ENPEP: variants seen among roughly 807,000 people sequenced by gnomAD.
The protein encoded by ENPEP is glutamyl aminopeptidase, also known as AP-A.
Under a neutral mutation model 114.5 loss-of-function variants are expected in ENPEP, and 103 were observed. The observed-to-expected ratio is 0.90, with a 90% CI of 0.77 to 1.06. The LOEUF is 1.06. Ranked by LOEUF, ENPEP falls within the 50% of genes least tolerant of loss-of-function variation. ENPEP has a pLI of 0.00. For missense variants in ENPEP, 1,196 were observed against 1,161.3 expected (o/e 1.03, Z -0.43); for synonymous variants, 420 against 422.0 (o/e 1.00, Z 0.06).
chr4:110,552,369 G>T (rs1377749356), intron 17 of ENPEP, among the ~76,000 whole-genome samples: 1 of 152,116 alleles, frequency 6.6e-6, no homozygotes, highest in Non-Finnish European at 1.5e-5. Context: ...CTTCAAGTAT[G>T]CTAAGGGTCT....
chr4:110,529,919 C>CA (rs35782762), intron 10 of ENPEP, among the ~76,000 whole-genome samples: 91,898 of 151,678 alleles, frequency 0.61, 29,334 homozygotes, highest in East Asian at 0.84. Flanking sequence ...ACTAAAAATA[C>CA]AAAAAAATTG....
At chr4:110,491,688 A>G (rs1214299562) in intron 3 of ENPEP, among the ~76,000 whole-genome samples, 2 of 151,814 alleles carry the variant, frequency 1.3e-5, no homozygotes, top group Non-Finnish European at 2.9e-5. Context: ...AAAAATATCA[A>G]GACGACTAGT....
intron 3 of ENPEP, 145 bp downstream of exon 3, chr4:110,491,309 A>G: frequency 5.8e-6 from 4 of 684,486 alleles, no homozygotes; most frequent in South Asian, 5.0e-5. Flanking sequence ...TTGATAATAC[A>G]TAGAAAAATG....
rs151006682 is a variant in ENPEP, at chr4:110,513,415, C to A, written c.1309C>A (p.Arg437Ser). Residue 437 changes from arginine (R) to serine (S), a missense_variant and splice_region_variant, in exon 7 of 20, where the codon CGT (arginine) becomes AGT (serine). Coordinates refer to ENST00000265162, the MANE Select transcript of ENPEP (RefSeq NM_001977.4). ...CCTTTGGCTCATTCTTTCATTTCAG[C>A]GTGACCAAATGTTACTTGAAGATGT... ...VNHAETDWQMRDQMLLEDVLP... is the reference protein window; with the variant it reads ...VNHAETDWQMSDQMLLEDVLP... 470 of 1,609,330 alleles carry A rather than the reference C, an allele frequency of 2.9e-4. 4 individuals carry two copies. The African/African-American group carries it at 5.6e-3, about 19-fold the overall frequency.
At chr4:110,514,142 C>T (rs989803994) in intron 7 of ENPEP, among the ~76,000 whole-genome samples, 3 of 152,048 alleles carry the variant, frequency 2.0e-5, no homozygotes, top group Non-Finnish European at 2.9e-5. Context: ...GTCTCTCCTT[C>T]AAACATATTC....
chr4:110,491,334 A>G (rs750670529), intron 3 of ENPEP, among the ~76,000 whole-genome samples, 170 bp downstream of exon 3: 11 of 151,876 alleles, frequency 7.2e-5, no homozygotes, highest in Non-Finnish European at 1.5e-4. Context: ...CTGAAAGGAT[A>G]CAGGTAAAAA....
At chr4:110,533,804 A>T (rs1726504298) in intron 11 of ENPEP, among the ~76,000 whole-genome samples, 1 of 152,118 alleles carries the variant, frequency 6.6e-6, no homozygotes, top group African/African-American at 2.4e-5. Flanking sequence ...CCCACAGAAT[A>T]TTCTTAGAGG....
At chr4:110,515,102 G>A (rs1725711495) in intron 7 of ENPEP, among the ~76,000 whole-genome samples, 1 of 152,208 alleles carries the variant, frequency 6.6e-6, no homozygotes, top group Non-Finnish European at 1.5e-5. Flanking sequence ...TTTATTTGGG[G>A]AAGTGCAATA....
intron 3 of ENPEP, among the ~76,000 whole-genome samples, chr4:110,503,521 T>G (rs1051936005): frequency 6.6e-6 from 1 of 152,200 alleles, no homozygotes; most frequent in Admixed American, 6.5e-5. Flanking sequence ...TTCCTTCCTA[T>G]CCATATTCTG....
chr4:110,555,551 T>C (rs548239183), intron 18 of ENPEP, among the ~76,000 whole-genome samples: 124 of 152,180 alleles, frequency 8.1e-4, no homozygotes, highest in African/African-American at 2.8e-3. Context: ...GTCCCAAAGA[T>C]ACTTCAGAAA....
At chr4:110,527,237 T>C (rs1726230672) in intron 10 of ENPEP, among the ~76,000 whole-genome samples, 2 of 152,200 alleles carry the variant, frequency 1.3e-5, no homozygotes, top group Admixed American at 1.3e-4. Context: ...ACACCTGAAC[T>C]GGAGAAGCAT....
chr4:110,533,653 G>A (rs113337463), intron 11 of ENPEP, among the ~76,000 whole-genome samples: 1 of 152,194 alleles, frequency 6.6e-6, no homozygotes, highest in African/African-American at 2.4e-5. Context: ...AAAATTGAAT[G>A]TAGAGGAGAC....
chr4:110,515,461 A>G lies in ENPEP; in HGVS notation c.1509+19A>G. The G allele has an allele frequency of 6.4e-7, 1 of 1,566,124 alleles. No homozygotes were observed. The highest frequency in any genetic ancestry group is 8.7e-7 in the Non-Finnish European group (1 of 1,150,596). On this transcript the variant is annotated intron_variant, in intron 8 of 19. Transcript: ENST00000265162. ...ATGTCAGGTATGATTTATTACTTTT[A>G]GTGATATCAAAATTAAACTACATTG...
At chr4:110,532,611 T>A (rs1252502216) in intron 11 of ENPEP, among the ~76,000 whole-genome samples, 2 of 152,074 alleles carry the variant, frequency 1.3e-5, no homozygotes, top group Non-Finnish European at 2.9e-5. Context: ...TTTCCACCTT[T>A]GGGCCTTTTA....
At chr4:110,554,425 C>A (rs1459678705) in intron 18 of ENPEP, among the ~76,000 whole-genome samples, 2 of 151,994 alleles carry the variant, frequency 1.3e-5, no homozygotes, top group Admixed American at 6.6e-5. Flanking sequence ...TAGCTCCCAA[C>A]CAAAATACAC....
intron 17 of ENPEP, among the ~76,000 whole-genome samples, chr4:110,550,716 G>A (rs1399492774): frequency 3.3e-5 from 5 of 151,932 alleles, no homozygotes; most frequent in Non-Finnish European, 7.4e-5. Flanking sequence ...TCTATGTATA[G>A]ATATATAGAT....
chr4:110,528,889 T>C (rs1726297766), intron 10 of ENPEP, among the ~76,000 whole-genome samples: 1 of 152,230 alleles, frequency 6.6e-6, no homozygotes, highest in African/African-American at 2.4e-5. Flanking sequence ...TTAGCCAATA[T>C]GTAGAAAACT....
Position 110,563,757 on chromosome 4 carries a change from T to C in ENPEP, c.*2199T>C, listed in dbSNP as rs1727748581. On this transcript the variant is annotated 3_prime_UTR_variant, in exon 20 of 20. Transcript: ENST00000265162. ...AAGGCCAGTATTACTGCCTCCCCTC[T>C]AGGCAGCCCACTCCTGTATTCCAGA... The C allele has an allele frequency of 6.6e-6, 1 of 152,170 alleles. No homozygotes were observed. Among genetic ancestry groups the C allele is most frequent in the Non-Finnish European group, 1.5e-5 (1 of 68,028 alleles). 9.4% of individuals were successfully genotyped at this position (152,170 alleles called of 1,614,324 possible). A position where few individuals can be genotyped will look rare whatever the true frequency, so the allele number is the denominator to read the frequency against.
At position 110,559,697 on chromosome 4, in the gene ENPEP, C is replaced by T. The variant is rs1236821230; in HGVS notation, c.2693C>T (p.Pro898Leu). The T allele has an allele frequency of 3.7e-6, 6 of 1,613,884 alleles. No homozygotes were observed. The East Asian group carries it at 1.3e-4, about 36-fold the overall frequency. Residue 898 changes from proline (P) to leucine (L), a missense_variant, in exon 19 of 20, where the codon CCA becomes CTA. By Grantham distance (98) the Pro-to-Leu change is moderately conservative. Transcript: ENST00000265162. ...GGCCGAATTGTCACAATAGCAGAGC[C>T]ATTCAACACTGAACTGCAACTGTGG... ...NLGRIVTIAEPFNTELQLWQM... is the reference protein window; with the variant it reads ...NLGRIVTIAELFNTELQLWQM...
Sources: allele counts gnomAD v4.1 joint callset (sites outside exome capture counted in the v4.1 genomes callset), GRCh38; gene constraint gnomAD v4.1.1; transcripts MANE v1.5; gene names NCBI Gene and HGNC (gene_info 2026-07-23, HGNC 2026-07-21).